Variants in DLG2 observed in about 807,000 individuals in gnomAD.
DLG2 encodes disks large homolog 2.
DLG2 carries 45 observed loss-of-function variants against 132.5 expected under a neutral mutation model. That is an observed-to-expected ratio of 0.34 (90% CI 0.27 to 0.44). The LOEUF (loss-of-function observed/expected upper bound fraction) is 0.44, where lower values mean the gene tolerates loss of function less well. DLG2 is among the 20% of genes least tolerant of loss of function. The pLI is 1.00. For synonymous variants in DLG2, 424 were observed against 419.6 expected (o/e 1.01, Z -0.13); for missense variants, 1,045 against 1,196.9 (o/e 0.87, Z 1.87).
intron 3 of DLG2, among the ~76,000 whole-genome samples, chr11:85,508,685 A>AGG (rs2093989993): frequency 6.6e-6 from 1 of 152,104 alleles, no homozygotes; most frequent in Non-Finnish European, 1.5e-5. Context: ...TATTAAACAA[A>AGG]AACAAACATA....
At chr11:84,626,607 G>A (rs1329590864) in intron 6 of DLG2, among the ~76,000 whole-genome samples, 1 of 152,096 alleles carries the variant, frequency 6.6e-6, no homozygotes, top group Non-Finnish European at 1.5e-5. Flanking sequence ...AAAAGATCCA[G>A]TCCTTATTAA....
chr11:84,706,926 CAG>C lies in DLG2; in HGVS notation c.358-172197_358-172196del, dbSNP rs528129445. ...ACTGTAAAGGAAGTCTAGAGTTTTC[CAG>C]ATAGACCTCTTCTCTAAAGTTATAT... On this transcript the variant is annotated intron_variant, in intron 6 of 27. Transcript: ENST00000376104. Among the ~76,000 whole-genome samples the C allele has an allele frequency of 1.9e-3, 285 of 151,830 alleles. 2 individuals carry two copies. The highest frequency in any genetic ancestry group is 6.8e-3 in the African/African-American group (280 of 41,474).
At chr11:85,309,341 C>T (rs1204164589) in intron 3 of DLG2, among the ~76,000 whole-genome samples, 2 of 150,898 alleles carry the variant, frequency 1.3e-5, no homozygotes, top group Non-Finnish European at 2.9e-5. Flanking sequence ...TTTGGGATGG[C>T]TTATTATGTA....
chr11:85,424,792 T>C (rs2090585271), intron 3 of DLG2, among the ~76,000 whole-genome samples: 1 of 152,078 alleles, frequency 6.6e-6, no homozygotes, highest in Admixed American at 6.6e-5. Context: ...ACAATGACAA[T>C]GTGAGGATAC....
intron 6 of DLG2, among the ~76,000 whole-genome samples, chr11:85,086,498 A>T (rs987032543): frequency 6.6e-6 from 1 of 152,202 alleles, no homozygotes; most frequent in South Asian, 2.1e-4. Context: ...AGAAAAAAAT[A>T]AACAATTAAA....
At chr11:84,103,962 A>T (rs1424434584) in intron 9 of DLG2, among the ~76,000 whole-genome samples, 2 of 152,066 alleles carry the variant, frequency 1.3e-5, no homozygotes, top group African/African-American at 4.8e-5. Context: ...CGATTCTAGG[A>T]TTTTATCCTA....
chr11:84,438,739 G>A (rs2099008733), intron 7 of DLG2, among the ~76,000 whole-genome samples: 1 of 152,178 alleles, frequency 6.6e-6, no homozygotes, highest in African/African-American at 2.4e-5. Flanking sequence ...CCCTTTGCCA[G>A]TCCTACCAGA....
rs58905339 is a variant in DLG2 at position 84,201,808 on chromosome 11, C to CTTTTTT, written c.574-38303_574-38298dup. On this transcript the variant is annotated intron_variant, in intron 8 of 27. Transcript: ENST00000376104. ...TCACAGAGTTAGAAGAAACTATTTT[C>CTTTTTT]TTTTTTTTTTTTTTTTTTTTTTTTT... Among the ~76,000 whole-genome samples the CTTTTTT allele has an allele frequency of 6.3e-4, 41 of 64,604 alleles. 1 individual carries two copies. Among genetic ancestry groups the CTTTTTT allele is most frequent in the Admixed American group, 1.2e-3 (5 of 4,034 alleles). 42.4% of individuals were successfully genotyped at this position (64,604 alleles called of 152,430 possible).
At chr11:83,864,156 A>G (rs2061900736) in intron 16 of DLG2, among the ~76,000 whole-genome samples, 1 of 152,276 alleles carries the variant, frequency 6.6e-6, no homozygotes, top group South Asian at 2.1e-4. Flanking sequence ...GTGTTCATTT[A>G]CCCTTCAGGT....
At chr11:85,340,947 G>A (rs549073753) in intron 3 of DLG2, among the ~76,000 whole-genome samples, 101 of 152,244 alleles carry the variant, frequency 6.6e-4, no homozygotes, top group African/African-American at 2.3e-3. Context: ...TATGATGTGA[G>A]ATATGGATCT....
intron 6 of DLG2, among the ~76,000 whole-genome samples, chr11:84,910,435 T>A (rs1348045567): frequency 1.3e-5 from 2 of 152,182 alleles, no homozygotes; most frequent in East Asian, 3.8e-4. Context: ...TTAGACAGAA[T>A]GATTTTTTTT....
At chr11:84,773,609 T>C (rs1159537526) in intron 6 of DLG2, among the ~76,000 whole-genome samples, 1 of 152,182 alleles carries the variant, frequency 6.6e-6, no homozygotes, top group African/African-American at 2.4e-5. Context: ...GATGCAAAGT[T>C]GGTTCCACAT....
At chr11:84,913,566 TTAA>T (rs2092264672) in intron 6 of DLG2, among the ~76,000 whole-genome samples, 1 of 151,688 alleles carries the variant, frequency 6.6e-6, no homozygotes, top group Non-Finnish European at 1.5e-5. Context: ...TGAATAATTA[TTAA>T]TGACATGATT....
chr11:83,883,723 C>T (rs927051523), intron 15 of DLG2, among the ~76,000 whole-genome samples: 1 of 151,404 alleles, frequency 6.6e-6, no homozygotes, highest in African/African-American at 2.4e-5. Context: ...GCTAGCTATA[C>T]ATCATTCTTC....
intron 7 of DLG2, among the ~76,000 whole-genome samples, chr11:84,322,082 CT>C (rs1429040594): frequency 1.3e-5 from 2 of 152,220 alleles, no homozygotes; most frequent in African/African-American, 4.8e-5. Flanking sequence ...CAACTGCATC[CT>C]TTGAACTCAG....
At position 83,980,738 on chromosome 11, in the gene DLG2, G is replaced by T. The variant is rs987149773; in HGVS notation, c.920-96C>A. On this transcript the variant is annotated intron_variant, in intron 11 of 27. Coordinates refer to ENST00000376104, the MANE Select transcript of DLG2 (RefSeq NM_001142699.3). The stretch of plus-strand genomic sequence containing the variant: ...CCACATTTTAACAGTTTTTAAAAAT[G>T]AATCCTCAACTTATTGTAACAGCAA... 3.4e-5 allele frequency: 42 copies of T among 1,232,166 alleles called. No individual in the cohort carries two copies. In the African/African-American group the frequency reaches 5.9e-4, roughly 17 times the overall value. The allele number at this position is 1,232,166 out of a possible 1,614,324, so 76.3% of individuals were successfully genotyped here.
intron 3 of DLG2, among the ~76,000 whole-genome samples, chr11:85,298,421 A>G (rs2079378423): frequency 6.6e-6 from 1 of 152,138 alleles, no homozygotes; most frequent in Non-Finnish European, 1.5e-5. Flanking sequence ...ATCATAAGTA[A>G]ATGCAGCAAA....
At chr11:85,564,330 C>G (rs1304574455) in intron 3 of DLG2, among the ~76,000 whole-genome samples, 1 of 151,632 alleles carries the variant, frequency 6.6e-6, no homozygotes, top group Non-Finnish European at 1.5e-5. Flanking sequence ...TTTGCTCATT[C>G]CATGGTTGCA....
chr11:84,265,354 A>G (rs2097606450), intron 7 of DLG2, among the ~76,000 whole-genome samples: 2 of 152,204 alleles, frequency 1.3e-5, no homozygotes, highest in Admixed American at 1.3e-4. Flanking sequence ...AATGCTAAAA[A>G]GTTATATATA....
Sources: allele counts gnomAD v4.1 joint callset (sites outside exome capture counted in the v4.1 genomes callset), GRCh38; gene constraint gnomAD v4.1.1; transcripts MANE v1.5; gene names NCBI Gene and HGNC (gene_info 2026-07-23, HGNC 2026-07-21).